The following GAK variants were observed in gnomAD, a reference collection of about 807,000 sequenced individuals.
The protein encoded by GAK is cyclin-G-associated kinase.
GAK carries 79 observed loss-of-function variants against 143.9 expected under a neutral mutation model. The ratio of observed to expected loss-of-function variants is 0.55; its 90% confidence interval spans 0.46 to 0.66. The LOEUF (loss-of-function observed/expected upper bound fraction) is 0.66. GAK is among the 30% of genes least tolerant of loss of function. The probability of loss-of-function intolerance (pLI) is 0.00; values close to 1 mark genes in which losing one functional copy is unlikely to be tolerated. For synonymous variants in GAK, 881 were observed against 765.5 expected (o/e 1.15, Z -2.49); for missense variants, 1,693 against 1,779.7 (o/e 0.95, Z 0.88).
intron 24 of GAK, chr4:853,279 G>A (rs2152684720): frequency 6.6e-6 from 1 of 152,402 alleles, no homozygotes; most frequent in East Asian, 1.9e-4. Flanking sequence ...TTCACCTGTA[G>A]GACACCTGGG....
At chr4:854,547 C>A (rs7697256) in intron 24 of GAK, among the ~76,000 whole-genome samples, 2 of 151,970 alleles carry the variant, frequency 1.3e-5, no homozygotes, top group Admixed American at 6.5e-5. Context: ...CTTTGCCTAC[C>A]GCTGCCCAGG....
At chr4:926,999 G>A (rs7375353) in intron 1 of GAK, among the ~76,000 whole-genome samples, 3 of 7,696 alleles carry the variant, frequency 3.9e-4, no homozygotes, top group African/African-American at 1.0e-3. Flanking sequence ...CACCCCTCCC[G>A]GCTCACCAGC....
At chr4:900,642 CT>C (rs1288031324) in intron 5 of GAK, among the ~76,000 whole-genome samples, 1 of 152,200 alleles carries the variant, frequency 6.6e-6, no homozygotes, top group Non-Finnish European at 1.5e-5. Context: ...ACGGGCAGGA[CT>C]GGCCCCTCAT....
intron 23 of GAK, among the ~76,000 whole-genome samples, chr4:861,771 G>A (rs921558023): frequency 6.6e-6 from 1 of 152,192 alleles, no homozygotes; most frequent in Non-Finnish European, 1.5e-5. Context: ...CTGGAGAGAA[G>A]GTCGGACCAG....
intron 3 of GAK, chr4:912,459 C>T: frequency 2.4e-6 from 1 of 421,986 alleles, no homozygotes; most frequent in South Asian, 2.4e-5. Flanking sequence ...GGTAACCAGC[C>T]CATCCACTGG....
chr4:928,952 G>C (rs559608599), intron 1 of GAK, among the ~76,000 whole-genome samples: 1 of 152,010 alleles, frequency 6.6e-6, no homozygotes, highest in Non-Finnish European at 1.5e-5. Flanking sequence ...TAGTAGAGAC[G>C]GGTTTCCCCG....
At chr4:904,884 C>T in intron 4 of GAK, 105 bp from the exon 5 acceptor site, 1 of 1,159,716 alleles carries the variant, frequency 8.6e-7, no homozygotes, top group Admixed American at 2.4e-5. Context: ...GAAAGGAAAA[C>T]CCTGACTTTC....
At chr4:905,049 A>G (rs1720813869) in intron 4 of GAK, among the ~76,000 whole-genome samples, 1 of 152,146 alleles carries the variant, frequency 6.6e-6, no homozygotes, top group Non-Finnish European at 1.5e-5. Context: ...AGATGTTTGC[A>G]CAGGAGTGTG....
At chr4:909,345 A>G (rs1721627019) in intron 4 of GAK, among the ~76,000 whole-genome samples, 1 of 152,254 alleles carries the variant, frequency 6.6e-6, no homozygotes, top group Non-Finnish European at 1.5e-5. Flanking sequence ...GTCCAGGGAC[A>G]TCCAGAGAAA....
chr4:861,987 A>G (rs987052920), intron 23 of GAK, among the ~76,000 whole-genome samples: 6 of 152,262 alleles, frequency 3.9e-5, no homozygotes, highest in Non-Finnish European at 8.8e-5. Context: ...TGCAACGTAC[A>G]AGTGCAAGGT....
At chr4:868,420 T>C in intron 20 of GAK, 119 bp downstream of exon 20, 2 of 967,024 alleles carry the variant, frequency 2.1e-6, no homozygotes, top group Non-Finnish European at 3.0e-6. Context: ...ACAGCCCCAC[T>C]GAGGTGCAAC....
At position 888,833 on chromosome 4, in the gene GAK, A is replaced by C. The variant is rs568010169; in HGVS notation, c.1205+14T>G. On this transcript the variant is annotated intron_variant, in intron 11 of 27. Coordinates refer to ENST00000314167, the MANE Select transcript of GAK (RefSeq NM_005255.4). ...GCGTGCGGCAGGTCCAGGGCTCTGG[A>C]GCCTCACACTCACTTAGCGACGGAC... The C allele has an allele frequency of 4.6e-5, 73 of 1,596,194 alleles. No homozygotes were observed. The East Asian group carries it at 1.4e-3, about 31-fold the overall frequency.
intron 12 of GAK, 42 bp from the exon 13 acceptor site, chr4:883,505 C>G (rs895086261): frequency 6.2e-7 from 1 of 1,605,474 alleles, no homozygotes; most frequent in Admixed American, 1.7e-5. Context: ...GAGATGCGCA[C>G]CTCGTGGCCA....
intron 15 of GAK, among the ~76,000 whole-genome samples, chr4:879,508 T>C (rs569674418): frequency 2.0e-5 from 3 of 152,224 alleles, no homozygotes; most frequent in African/African-American, 7.2e-5. Context: ...CCTTACTGTT[T>C]GTTCTAGGCT....
intron 6 of GAK, among the ~76,000 whole-genome samples, chr4:897,715 C>G (rs3775124): frequency 0.64 from 97,838 of 152,122 alleles, 31,860 homozygotes; most frequent in South Asian, 0.82. Flanking sequence ...GGGAGGCTGA[C>G]GCGGGTGGAT....
chr4:862,271 C>T (rs1252659021), intron 23 of GAK, among the ~76,000 whole-genome samples: 1 of 151,132 alleles, frequency 6.6e-6, no homozygotes, highest in African/African-American at 2.4e-5. Context: ...TATAAGACGG[C>T]CTAAGTCATC....
At position 888,634 on chromosome 4, in the gene GAK, C is replaced by G. The variant is rs1039855890; in HGVS notation, c.1205+213G>C. ...CATCTCCTCAGCAGGGCCTTGCCCC[C>G]CAGGCGATGAAAGGAAAGGGATCTG... On this transcript the variant is annotated intron_variant, in intron 11 of 27. Transcript: ENST00000314167. 5 of 588,706 alleles carry G rather than the reference C, an allele frequency of 8.5e-6. No individual in the cohort carries two copies. In the Admixed American group the frequency reaches 1.7e-4, roughly 20 times the overall value. 36.5% of individuals were successfully genotyped at this position (588,706 alleles called of 1,614,324 possible). A position where few individuals can be genotyped will look rare whatever the true frequency, so the allele number is the denominator to read the frequency against.
rs140989519 is a variant in GAK, at chr4:859,248, C to T, written c.3283+358G>A. 1.4e-3 allele frequency: 1,661 copies of T among 1,206,234 alleles called. 12 individuals carry two copies. The African/African-American group carries it at 0.022, about 16-fold the overall frequency. The allele number at this position is 1,206,234 out of a possible 1,614,324, so 74.7% of individuals were successfully genotyped here. ...CGGTTCTTGTGGCCGACAGCTAGCA[C>T]GCTCCGAGCACAGCCTCGGGGACTG... On this transcript the variant is annotated intron_variant, in intron 24 of 27. Transcript: ENST00000314167.
Position 896,491 on chromosome 4 carries a change from T to C in GAK, c.710A>G (p.Asn237Ser). 4 of 1,614,074 alleles carry C rather than the reference T, an allele frequency of 2.5e-6. No individual in the cohort carries two copies. The highest frequency in any genetic ancestry group is 3.4e-6 in the Non-Finnish European group (4 of 1,179,956). ...RTPEIIDLYSNFPIGEKQDIW... is the reference protein window; with the variant it reads ...RTPEIIDLYSSFPIGEKQDIW... The stretch of plus-strand genomic sequence containing the variant: ...ATCCTGCTTCTCGCCGATCGGGAAG[T>C]TGGAATACAAGTCTATGATTTCTGG... Residue 237 changes from asparagine to serine, a missense_variant, in exon 7 of 28, where the codon AAC becomes AGC. Physicochemically the swap from Asn to Ser is conservative, Grantham distance 46. Around this residue, in one of 2 missense-constraint regions of GAK, gnomAD observed 871 missense variants for 991.0 expected, o/e 0.88. Transcript: ENST00000314167.
Sources: allele counts gnomAD v4.1 joint callset (sites outside exome capture counted in the v4.1 genomes callset), GRCh38; gene constraint gnomAD v4.1.1; regional missense constraint gnomAD v4.1.1; transcripts MANE v1.5; gene names NCBI Gene and HGNC (gene_info 2026-07-23, HGNC 2026-07-21).